The following ZNF212 variants were observed in gnomAD, a reference collection of about 807,000 sequenced individuals.
ZNF212 encodes Zinc finger protein C2H2-150.
In ZNF212, 32 loss-of-function variants were observed where a neutral mutation model predicts 47.3. The observed-to-expected ratio is 0.68, with a 90% CI of 0.51 to 0.91. The LOEUF is 0.91. Ranked by LOEUF, ZNF212 falls within the 40% of genes least tolerant of loss-of-function variation. ZNF212 has a pLI of 0.00. For missense variants in ZNF212, 555 were observed against 622.8 expected, an observed-to-expected ratio of 0.89 and a Z score of 1.16; for synonymous variants, 242 against 253.8, an observed-to-expected ratio of 0.95 and a Z score of 0.44.
intron 1 of ZNF212, among the ~76,000 whole-genome samples, chr7:149,245,653 C>T (rs1331780890): frequency 6.6e-6 from 1 of 152,074 alleles, no homozygotes. Flanking sequence ...CTATAGGCAC[C>T]TGTCATCATG....
At position 149,251,052 on chromosome 7, in the gene ZNF212, GTT is replaced by G. The variant is rs67720780; in HGVS notation, c.541+260_541+261del. Among the ~76,000 whole-genome samples, 170 of 124,466 alleles carry G rather than the reference GTT, an allele frequency of 1.4e-3. 1 individual carries two copies. The highest frequency in any genetic ancestry group is 4.5e-3 in the African/African-American group (157 of 34,962). The allele number at this position is 124,466 out of a possible 152,430, so 81.7% of individuals were successfully genotyped here. A position where few individuals can be genotyped will look rare whatever the true frequency, so the allele number is the denominator to read the frequency against. On this transcript the variant is annotated intron_variant, in intron 3 of 4. Coordinates refer to ENST00000335870, the MANE Select transcript of ZNF212 (RefSeq NM_012256.4). Reference sequence around the variant, plus strand: ...AAGCTCGCAGCATTGTGCCTTTTGTGTTTTTTTTTTTTTTTTCCTGTGGTCAC... The same window carrying G: ...AAGCTCGCAGCATTGTGCCTTTTGTGTTTTTTTTTTTTTTCCTGTGGTCAC...
intron 1 of ZNF212, among the ~76,000 whole-genome samples, 178 bp from the exon 2 acceptor site, chr7:149,249,981 T>G (rs1372793872): frequency 6.6e-6 from 1 of 152,194 alleles, no homozygotes; most frequent in African/African-American, 2.4e-5. Context: ...CTTTCTATTC[T>G]TCATCATTTT....
At chr7:149,242,872 G>T (rs943588259) in intron 1 of ZNF212, among the ~76,000 whole-genome samples, 1 of 152,112 alleles carries the variant, frequency 6.6e-6, no homozygotes, top group Non-Finnish European at 1.5e-5. Flanking sequence ...TAAACAACTC[G>T]AAATTGGTCG....
intron 1 of ZNF212, among the ~76,000 whole-genome samples, chr7:149,243,744 T>C (rs1796634040): frequency 6.6e-6 from 1 of 152,056 alleles, no homozygotes; most frequent in African/African-American, 2.4e-5. Context: ...TAATAGGAGA[T>C]TTTAATACAA....
intron 1 of ZNF212, among the ~76,000 whole-genome samples, chr7:149,240,382 A>ACCCCCCCCCCCCCCCCCCCCCCC (rs71194632): frequency 3.9e-4 from 43 of 109,310 alleles, no homozygotes; most frequent in South Asian, 6.2e-4. Flanking sequence ...TCTCTCCTTC[A>ACCCCCCCCCCCCCCCCCCCCCCC]CCCCCCCCCC....
rs1223769654 is a variant in ZNF212 at position 149,255,309 on chromosome 7, A to G, written c.*894A>G. The G allele has an allele frequency of 6.5e-6, 1 of 153,642 alleles. No individual in the cohort carries two copies. The highest frequency in any genetic ancestry group is 2.4e-5 in the African/African-American group (1 of 41,378). The allele number at this position is 153,642 out of a possible 1,614,324, so 9.5% of individuals were successfully genotyped here. A position where few individuals can be genotyped will look rare whatever the true frequency, so the allele number is the denominator to read the frequency against. ...GTTCTGCAGCCTCCCAGAGTAGAAA[A>G]CTACTTTGTTACTTAAGGTTGTTCA... is the stretch of plus-strand genomic sequence containing the variant. On this transcript the variant is annotated 3_prime_UTR_variant, in exon 5 of 5. Coordinates refer to ENST00000335870, the MANE Select transcript of ZNF212 (RefSeq NM_012256.4).
rs562957520 is a variant in ZNF212, at chr7:149,252,449, G to A, written c.542-257G>A. Among the ~76,000 whole-genome samples, 4 of 152,336 alleles carry A rather than the reference G, an allele frequency of 2.6e-5. 1 individual carries two copies. In the South Asian group the frequency reaches 8.3e-4, roughly 32 times the overall value. On this transcript the variant is annotated intron_variant, in intron 3 of 4. Coordinates refer to ENST00000335870, the MANE Select transcript of ZNF212 (RefSeq NM_012256.4). ...GGTGGTGGTGCCATCAAGGGCAGTG[G>A]TAGCTCTGTAGCCTGCCTGCCTGAG...
chr7:149,253,692 G>A lies in ZNF212; in HGVS notation c.765G>A (p.Gln255=). ...SPEQTELWGG[Q]GSSVLLETGP... ...AGCAGACCGAACTCTGGGGTGGTCAGGGCAGTTCTGTCCTCTTGGAAACAG... is the reference window on the plus strand; with the variant it reads ...AGCAGACCGAACTCTGGGGTGGTCAAGGCAGTTCTGTCCTCTTGGAAACAG... The change falls in exon 5 of 5, where the codon CAG becomes CAA. Residue 255 remains glutamine, a synonymous_variant. Coordinates refer to ENST00000335870, the MANE Select transcript of ZNF212 (RefSeq NM_012256.4). 1 of 1,614,230 alleles carries A rather than the reference G, an allele frequency of 6.2e-7. No homozygotes were observed. Among genetic ancestry groups the A allele is most frequent in the Non-Finnish European group, 8.5e-7 (1 of 1,180,042 alleles).
At chr7:149,253,480 C>G in intron 4 of ZNF212, 79 bp from the exon 5 acceptor site, 1 of 1,502,608 alleles carries the variant, frequency 6.7e-7, no homozygotes, top group Non-Finnish European at 8.9e-7. Flanking sequence ...TTCTGAAATT[C>G]ACAGATGTTT....
intron 4 of ZNF212, 99 bp from the exon 5 acceptor site, chr7:149,253,460 C>T (rs1236290310): frequency 1.4e-6 from 2 of 1,442,810 alleles, no homozygotes; most frequent in Middle Eastern, 2.3e-4. Context: ...TTCACTTATT[C>T]CTGGGGTGCT....
chr7:149,244,821 C>T (rs1796654570), intron 1 of ZNF212, among the ~76,000 whole-genome samples: 1 of 152,150 alleles, frequency 6.6e-6, no homozygotes, highest in Non-Finnish European at 1.5e-5. Context: ...CTTCATGTGG[C>T]TTGGGATTTC....
Position 149,254,403 on chromosome 7 carries a change from T to C in ZNF212, c.1476T>C (p.Asn492=), listed in dbSNP as rs764587703. 6.2e-7 allele frequency: 1 copy of C among 1,600,532 alleles called. No individual in the cohort carries two copies. The highest frequency in any genetic ancestry group is 1.7e-5 in the Admixed American group (1 of 59,856). Residue 492 remains asparagine (N), a synonymous_variant, in exon 5 of 5, where the codon AAT becomes AAC. Transcript: ENST00000335870. The surrounding 1 kb of genome is among the most constrained non-coding windows in gnomAD (Gnocchi z 4.5). The part of the protein sequence containing the change: ...GGLALEPGRP[N]GLL The stretch of plus-strand genomic sequence containing the variant: ...TGGCCCTGGAGCCCGGAAGGCCCAA[T>C]GGCCTGCTTTAAGGGTGCAGCCCCT...
Position 149,254,261 on chromosome 7 carries a change from ACCAGCGCAT to A in ZNF212, c.1338_1346del (p.Gln446_Ile448del). On this transcript the variant is annotated inframe_deletion, in exon 5 of 5. Transcript: ENST00000335870. This position sits in a 1 kb window ranked among gnomAD's most constrained non-coding sequence, Gnocchi z 4.5. ...AGTCACCCATCTGACTTGGTGCGGC[ACCAGCGCAT>A]CCACACGGGTGAGCGGCCCTACAGC... The A allele has an allele frequency of 6.2e-7, 1 of 1,614,252 alleles. No individual in the cohort carries two copies. Among genetic ancestry groups the A allele is most frequent in the Non-Finnish European group, 8.5e-7 (1 of 1,180,046 alleles).
chr7:149,252,847 G>A (rs772405202), intron 4 of ZNF212, 52 bp downstream of exon 4: 29 of 1,582,762 alleles, frequency 1.8e-5, no homozygotes, highest in Non-Finnish European at 2.4e-5. Flanking sequence ...CTGTAGCCTA[G>A]AGTGAGCTTT....
At position 149,250,772 on chromosome 7, in the gene ZNF212, T is replaced by C; in HGVS notation, c.506T>C (p.Val169Ala). The change falls in exon 3 of 5, where the codon GTG becomes GCG. Residue 169 changes from valine (V) to alanine (A), a missense_variant. By Grantham distance (64) the Val-to-Ala change is moderately conservative. Coordinates refer to ENST00000335870, the MANE Select transcript of ZNF212 (RefSeq NM_012256.4). Reference sequence around the variant, plus strand: ...TGGCAGAAGGAGCTCTACAGAAACGTGATGGAGAGTAACTATGAGACACTG... The same window carrying C: ...TGGCAGAAGGAGCTCTACAGAAACGCGATGGAGAGTAACTATGAGACACTG... Reference protein sequence around the residue: ...EDWQKELYRNVMESNYETLVS... With the variant: ...EDWQKELYRNAMESNYETLVS... 6.2e-7 allele frequency: 1 copy of C among 1,614,176 alleles called. No homozygotes were observed. Among genetic ancestry groups the C allele is most frequent in the Non-Finnish European group, 8.5e-7 (1 of 1,180,030 alleles).
Position 149,253,081 on chromosome 7 carries a change from G to A in ZNF212, c.631+286G>A, listed in dbSNP as rs192528538. Among the ~76,000 whole-genome samples, 123 of 152,236 alleles carry A rather than the reference G, an allele frequency of 8.1e-4. No individual in the cohort carries two copies. The highest frequency in any genetic ancestry group is 3.4e-3 in the Middle Eastern group (1 of 294). ...CAAAACCTGCTGGAGATTGAGCGTA[G>A]GTATGTCAGAGCTTCAGGAGGGAAG... On this transcript the variant is annotated intron_variant, in intron 4 of 4. Transcript: ENST00000335870.
At chr7:149,253,400 A>G (rs1796786097) in intron 4 of ZNF212, among the ~76,000 whole-genome samples, 159 bp from the exon 5 acceptor site, 1 of 152,222 alleles carries the variant, frequency 6.6e-6, no homozygotes, top group Non-Finnish European at 1.5e-5. Flanking sequence ...ATATAGTTTT[A>G]TAGAAGTCTT....
At position 149,250,226 on chromosome 7, in the gene ZNF212, G is replaced by C; in HGVS notation, c.92G>C (p.Ser31Thr). ...CTTCCTTCACAAGCAACAGAGAAAA[G>C]CTCCTATTTTCAGACCACCGAGATT... ...STLPSQATEK[S>T]SYFQTTEISL... Residue 31 changes from serine (S) to threonine (T), a missense_variant, in exon 2 of 5, where the codon AGC becomes ACC. Transcript: ENST00000335870. 6.4e-7 allele frequency: 1 copy of C among 1,564,106 alleles called. No homozygotes were observed. The highest frequency in any genetic ancestry group is 1.9e-5 in the Admixed American group (1 of 53,476).
At chr7:149,244,635 A>G (rs987407411) in intron 1 of ZNF212, among the ~76,000 whole-genome samples, 1 of 152,134 alleles carries the variant, frequency 6.6e-6, no homozygotes. Context: ...TTTAATCCAT[A>G]TATCTATCAG....
Sources: gnomAD v4.1 joint callset for allele counts (sites outside exome capture counted in the v4.1 genomes callset) on GRCh38, gnomAD v4.1.1 for gene constraint, Gnocchi (gnomAD v3.1) non-coding constraint, MANE v1.5 for transcripts, NCBI Gene and HGNC (gene_info 2026-07-23, HGNC 2026-07-21) for gene names.